The following PVT1 variants were observed in gnomAD, a reference collection of about 807,000 sequenced individuals.
PVT1 encodes the protein CXCR4/PVT1 fusion.
intron 2 of PVT1, among the ~76,000 whole-genome samples, chr8:127,831,396 G>T (rs562468866): frequency 6.6e-6 from 1 of 152,088 alleles, no homozygotes; most frequent in Non-Finnish European, 1.5e-5. Context: ...TAGATTGTGG[G>T]CGCAGAGAGT....
At chr8:128,001,539 C>G (rs879385695) in intron 4 of PVT1, among the ~76,000 whole-genome samples, 1 of 152,082 alleles carries the variant, frequency 6.6e-6, no homozygotes, top group Non-Finnish European at 1.5e-5. Context: ...GCCATTGGCC[C>G]CCACCAGATC....
At chr8:128,051,847 A>AT (rs1813702062) in intron 4 of PVT1, among the ~76,000 whole-genome samples, 1 of 151,450 alleles carries the variant, frequency 6.6e-6, no homozygotes, top group Non-Finnish European at 1.5e-5. Flanking sequence ...TGTTTTTCTG[A>AT]TTTTGTTGTT....
At chr8:127,970,802 A>C (rs544444507) in intron 3 of PVT1, among the ~76,000 whole-genome samples, 1 of 152,198 alleles carries the variant, frequency 6.6e-6, no homozygotes, top group African/African-American at 2.4e-5. Flanking sequence ...ACTGAGAATC[A>C]CTATTACCTT....
At chr8:127,801,255 G>A (rs936421690) in intron 2 of PVT1, among the ~76,000 whole-genome samples, 1 of 152,124 alleles carries the variant, frequency 6.6e-6, no homozygotes, top group Non-Finnish European at 1.5e-5. Flanking sequence ...TTTTTTGTTT[G>A]TTATGAGGCA....
At chr8:127,953,517 C>T (rs761722596) in intron 3 of PVT1, among the ~76,000 whole-genome samples, 2 of 152,124 alleles carry the variant, frequency 1.3e-5, no homozygotes, top group African/African-American at 2.4e-5. Context: ...ATTATAGTAA[C>T]GTTTATTTAG....
rs115703792 is a variant in PVT1, at chr8:128,061,222, T to C, written n.913-8938T>C. On this transcript the variant is annotated intron_variant and non_coding_transcript_variant, in intron 4 of 10. Transcript: ENST00000651587. ...CCATGCCTGGCCATGGATTCGCCTA[T>C]TGTAGACGTTTCACGTAAATGGAAC... 3.9e-3 allele frequency among the ~76,000 whole-genome samples: 588 copies of C among 152,368 alleles called. 1 individual carries two copies. Among genetic ancestry groups the C allele is most frequent in the African/African-American group, 0.013 (527 of 41,584 alleles).
intron 2 of PVT1, among the ~76,000 whole-genome samples, chr8:127,883,673 C>A (rs1331413346): frequency 6.6e-6 from 1 of 151,752 alleles, no homozygotes; most frequent in Non-Finnish European, 1.5e-5. Flanking sequence ...CCTATTTTAA[C>A]TTTGGAAAAA....
rs113456124 is a variant in PVT1 at position 127,898,415 on chromosome 8, G to T, written n.782+7417G>T. Reference sequence around the variant, plus strand: ...TAAAATGAGTGGAGTAGAACCCAGAGATCAGGCTTTTGAGGACGGTAAAGC... The same window carrying T: ...TAAAATGAGTGGAGTAGAACCCAGATATCAGGCTTTTGAGGACGGTAAAGC... On this transcript the variant is annotated intron_variant and non_coding_transcript_variant, in intron 3 of 10. Coordinates refer to ENST00000651587, the Ensembl canonical transcript of PVT1. This position sits in a 1 kb window ranked among gnomAD's most constrained non-coding sequence, Gnocchi z 4.4. Among the ~76,000 whole-genome samples, 5,190 of 152,334 alleles carry T rather than the reference G, an allele frequency of 0.034. 266 individuals carry two copies. The highest frequency in any genetic ancestry group is 0.12 in the African/African-American group (4,890 of 41,554).
At chr8:127,957,241 C>T (rs1213426711) in intron 3 of PVT1, among the ~76,000 whole-genome samples, 1 of 152,092 alleles carries the variant, frequency 6.6e-6, no homozygotes, top group Non-Finnish European at 1.5e-5. Flanking sequence ...TGACATGAAG[C>T]CCTCTACAGA....
chr8:127,934,358 G>A (rs532261324), intron 3 of PVT1, among the ~76,000 whole-genome samples: 1 of 152,362 alleles, frequency 6.6e-6, no homozygotes, highest in South Asian at 2.1e-4. Context: ...CCACCAGTCT[G>A]GTGGTGGTGA....
intron 2 of PVT1, among the ~76,000 whole-genome samples, chr8:127,797,805 T>C (rs1026741312): frequency 3.9e-5 from 6 of 152,190 alleles, no homozygotes; most frequent in Admixed American, 1.3e-4. Flanking sequence ...GTTCTAACAC[T>C]TCAAATTATA....
At chr8:128,073,447 G>A (rs2130139273) in intron 5 of PVT1, among the ~76,000 whole-genome samples, 1 of 152,236 alleles carries the variant, frequency 6.6e-6, no homozygotes, top group Non-Finnish European at 1.5e-5. Context: ...GCACCAGCCA[G>A]TGAGGCTCAA....
intron 3 of PVT1, among the ~76,000 whole-genome samples, chr8:127,982,190 A>G (rs1300718892): frequency 6.6e-6 from 1 of 152,098 alleles, no homozygotes. Context: ...CCTGGCACCT[A>G]TTGGAGTTGG....
rs1453380617 is a variant in PVT1, at chr8:127,973,682, A to AG, written n.783-15480_783-15479insG. Among the ~76,000 whole-genome samples the AG allele has an allele frequency of 9.3e-5, 14 of 149,896 alleles. No homozygotes were observed. The East Asian group carries it at 2.7e-3, about 29-fold the overall frequency. On this transcript the variant is annotated intron_variant and non_coding_transcript_variant, in intron 3 of 10. Transcript: ENST00000651587. ...AAGCTGACCCAAGTTGCCTTTTTGA[A>AG]AAAAAAAAAAAGAAGGCCAAACACG...
At chr8:127,927,375 G>T (rs1816143241) in intron 3 of PVT1, among the ~76,000 whole-genome samples, 1 of 152,148 alleles carries the variant, frequency 6.6e-6, no homozygotes, top group Non-Finnish European at 1.5e-5. Context: ...CCCGTTTCTG[G>T]TCTCATTGCT....
intron 2 of PVT1, among the ~76,000 whole-genome samples, chr8:127,819,100 G>A (rs1301766400): frequency 1.3e-5 from 2 of 152,170 alleles, no homozygotes; most frequent in African/African-American, 2.4e-5. Flanking sequence ...AACTGGCTGC[G>A]AGCCCCGGGG....
intron 2 of PVT1, among the ~76,000 whole-genome samples, chr8:127,816,561 A>T (rs530144800): frequency 6.7e-6 from 1 of 149,992 alleles, no homozygotes; most frequent in African/African-American, 2.5e-5. Flanking sequence ...CTTGTCACCC[A>T]GGATGGGGAT....
chr8:127,996,236 G>A lies in PVT1; in HGVS notation n.912+6945G>A, dbSNP rs571291596. 6.3e-4 allele frequency among the ~76,000 whole-genome samples: 96 copies of A among 152,114 alleles called. 2 individuals carry two copies. The South Asian group carries it at 0.02, about 31-fold the overall frequency. On this transcript the variant is annotated intron_variant and non_coding_transcript_variant, in intron 4 of 10. Coordinates refer to ENST00000651587, the Ensembl canonical transcript of PVT1. Reference sequence around the variant, plus strand: ...CCTCCACCCAGCATCCAGGCCTCTGGTTCTCTCCCTCCTTCCCAGGTATAG... The same window carrying A: ...CCTCCACCCAGCATCCAGGCCTCTGATTCTCTCCCTCCTTCCCAGGTATAG...
At chr8:127,910,537 T>C (rs188858303) in intron 3 of PVT1, among the ~76,000 whole-genome samples, 6 of 152,314 alleles carry the variant, frequency 3.9e-5, no homozygotes, top group Admixed American at 2.0e-4. Flanking sequence ...CTCTGTGTGA[T>C]TGATAACTCA....
Sources: allele counts gnomAD v4.1 joint callset (sites outside exome capture counted in the v4.1 genomes callset), GRCh38; gene constraint gnomAD v4.1.1; non-coding constraint Gnocchi (gnomAD v3.1); transcripts MANE v1.5; gene names NCBI Gene and HGNC (gene_info 2026-07-23, HGNC 2026-07-21).